SYT9: variants seen among roughly 807,000 people sequenced by gnomAD.
SYT9 encodes synaptotagmin 9.
Under a neutral mutation model 48.4 loss-of-function variants are expected in SYT9, and 22 were observed. That is an observed-to-expected ratio of 0.45 (90% confidence interval 0.32 to 0.65). The LOEUF (loss-of-function observed/expected upper bound fraction) is 0.65, where lower values mean the gene tolerates loss of function less well. Among genes scored for constraint, SYT9 ranks in the 30% least tolerant of loss-of-function variants. The pLI, the probability that SYT9 is intolerant of heterozygous loss-of-function variation, is 0.03. For missense variants in SYT9, 577 were observed against 622.0 expected (o/e 0.93, Z 0.77); for synonymous variants, 265 against 245.0 (o/e 1.08, Z -0.76).
chr11:7,398,952 A>G (rs1846820010), intron 3 of SYT9, among the ~76,000 whole-genome samples: 1 of 50,666 alleles, frequency 2.0e-5, no homozygotes, highest in South Asian at 6.7e-4. Flanking sequence ...TGCAGGCTAG[A>G]CACACCAAAC....
At chr11:7,421,887 G>A (rs77942018) in intron 6 of SYT9, among the ~76,000 whole-genome samples, 3,940 of 152,266 alleles carry the variant, frequency 0.026, 174 homozygotes, top group African/African-American at 0.089. Context: ...CTACAAAAGC[G>A]CAAAGGAGAG....
intron 3 of SYT9, among the ~76,000 whole-genome samples, chr11:7,358,386 A>G (rs942117159): frequency 2.6e-5 from 4 of 152,160 alleles, no homozygotes; most frequent in Admixed American, 6.6e-5. Flanking sequence ...GATTCTCATA[A>G]CGATTGTCAT....
At chr11:7,431,254 G>A (rs931745238) in intron 6 of SYT9, among the ~76,000 whole-genome samples, 1 of 152,194 alleles carries the variant, frequency 6.6e-6, no homozygotes, top group Non-Finnish European at 1.5e-5. Flanking sequence ...CCATACCTTA[G>A]GGATTTGTGG....
At chr11:7,449,766 C>T (rs1056053445) in intron 6 of SYT9, among the ~76,000 whole-genome samples, 2 of 152,182 alleles carry the variant, frequency 1.3e-5, no homozygotes, top group Admixed American at 6.5e-5. Context: ...CATCCTCAGA[C>T]CAGCTGTTCT....
intron 3 of SYT9, among the ~76,000 whole-genome samples, chr11:7,343,080 ACCCATTTTTTATC>A (rs1212308732): frequency 6.6e-6 from 1 of 152,162 alleles, no homozygotes; most frequent in East Asian, 1.9e-4. Context: ...TAGCCCACAG[ACCCATTTTTTATC>A]CTAGGCCTCT....
At chr11:7,379,453 G>A (rs10839774) in intron 3 of SYT9, among the ~76,000 whole-genome samples, 50,179 of 151,814 alleles carry the variant, frequency 0.33, 9,160 homozygotes, top group Non-Finnish European at 0.42. Flanking sequence ...CTCAGTCTCC[G>A]TATCTTCCCC....
intron 3 of SYT9, among the ~76,000 whole-genome samples, chr11:7,318,681 C>G (rs564578008): frequency 2.6e-5 from 4 of 152,208 alleles, no homozygotes; most frequent in African/African-American, 7.2e-5. Context: ...GTTGAGTAAG[C>G]CTTTTTATCA....
At chr11:7,261,878 T>A (rs573479177) in intron 1 of SYT9, among the ~76,000 whole-genome samples, 1 of 152,296 alleles carries the variant, frequency 6.6e-6, no homozygotes, top group South Asian at 2.1e-4. Flanking sequence ...TAGGCCTCTA[T>A]AAGCCATTTT....
intron 3 of SYT9, among the ~76,000 whole-genome samples, chr11:7,410,167 G>A (rs1242160907): frequency 6.6e-6 from 1 of 152,062 alleles, no homozygotes; most frequent in Non-Finnish European, 1.5e-5. Flanking sequence ...GTTCCTCCTA[G>A]TATTGATTTA....
intron 3 of SYT9, among the ~76,000 whole-genome samples, chr11:7,394,478 G>A (rs1232512976): frequency 1.3e-5 from 2 of 152,186 alleles, no homozygotes; most frequent in East Asian, 3.9e-4. Context: ...TATATACCCA[G>A]TAATGGGATG....
chr11:7,367,657 A>T (rs1850278373), intron 3 of SYT9, among the ~76,000 whole-genome samples: 1 of 151,764 alleles, frequency 6.6e-6, no homozygotes, highest in Non-Finnish European at 1.5e-5. Flanking sequence ...ATTGGGGTTT[A>T]TGTTTTTTCT....
At chr11:7,317,140 A>G (rs1168600206) in intron 3 of SYT9, among the ~76,000 whole-genome samples, 1 of 152,212 alleles carries the variant, frequency 6.6e-6, no homozygotes, top group East Asian at 1.9e-4. Context: ...GTTGTAAATT[A>G]GCGCATTTGT....
chr11:7,260,360 T>C (rs1237928211), intron 1 of SYT9, among the ~76,000 whole-genome samples: 2 of 152,132 alleles, frequency 1.3e-5, no homozygotes, highest in Admixed American at 1.3e-4. Context: ...AACTAGTTGG[T>C]GGGAAGAGCA....
At chr11:7,266,306 A>G (rs1490713469) in intron 1 of SYT9, among the ~76,000 whole-genome samples, 1 of 152,054 alleles carries the variant, frequency 6.6e-6, no homozygotes, top group Non-Finnish European at 1.5e-5. Context: ...CTTTGTGTGT[A>G]TTACTTTAAT....
intron 3 of SYT9, among the ~76,000 whole-genome samples, chr11:7,371,447 G>C (rs746945952): frequency 6.6e-6 from 1 of 151,642 alleles, no homozygotes; most frequent in Non-Finnish European, 1.5e-5. Flanking sequence ...TTATATTTTT[G>C]CTGCCATTGA....
chr11:7,281,073 A>G (rs976689953), intron 1 of SYT9, among the ~76,000 whole-genome samples: 2 of 152,228 alleles, frequency 1.3e-5, no homozygotes, highest in African/African-American at 4.8e-5. Flanking sequence ...TCACTACTGA[A>G]TGGGCAGATT....
intron 3 of SYT9, among the ~76,000 whole-genome samples, chr11:7,318,112 C>T (rs1399977882): frequency 1.3e-5 from 2 of 152,100 alleles, no homozygotes; most frequent in Admixed American, 1.3e-4. Context: ...TTACTTATTT[C>T]TTCTTTAAAG....
At chr11:7,414,619 T>A (rs1847204012) in intron 3 of SYT9, among the ~76,000 whole-genome samples, 1 of 149,758 alleles carries the variant, frequency 6.7e-6, no homozygotes, top group Admixed American at 6.6e-5. Flanking sequence ...TCCCTTGAGG[T>A]CATGGCTCCA....
At chr11:7,285,002 A>G (rs1049207644) in intron 1 of SYT9, among the ~76,000 whole-genome samples, 7 of 152,090 alleles carry the variant, frequency 4.6e-5, no homozygotes, top group African/African-American at 9.7e-5. Flanking sequence ...TCACCTAACT[A>G]TGGAGTTTGG....
Sources: gnomAD v4.1 joint callset for allele counts (sites outside exome capture counted in the v4.1 genomes callset) on GRCh38, gnomAD v4.1.1 for gene constraint, MANE v1.5 for transcripts, NCBI Gene and HGNC (gene_info 2026-07-23, HGNC 2026-07-21) for gene names.